Variants in LYPLAL1 observed in about 807,000 individuals in gnomAD.
LYPLAL1 encodes lysophospholipase like 1.
LYPLAL1 carries 23 observed loss-of-function variants against 19.7 expected under a neutral mutation model. The ratio of observed to expected loss-of-function variants is 1.17; its 90% CI spans 0.84 to 1.65. The LOEUF is 1.65. Among genes scored for constraint, LYPLAL1 ranks in the 40% most tolerant of loss-of-function variants. The pLI, the probability that LYPLAL1 is intolerant of heterozygous loss-of-function variation, is 0.00. For synonymous variants in LYPLAL1, 119 were observed against 96.3 expected, an observed-to-expected ratio of 1.24 and a Z score of -1.38; for missense variants, 355 against 279.4, an observed-to-expected ratio of 1.27 and a Z score of -1.93.
At chr1:219,198,594 A>G (rs889160853) in intron 3 of LYPLAL1, 1 of 152,128 alleles carries the variant, frequency 6.6e-6, no homozygotes, top group African/African-American at 2.4e-5. Flanking sequence ...GGGTTCTTCC[A>G]GAATAATTTT....
At chr1:219,352,030 TA>T in the LYPLAL1 span, among the ~76,000 whole-genome samples, 2 of 152,234 alleles carry the variant, frequency 1.3e-5, no homozygotes, top group Admixed American at 1.3e-4. Flanking sequence ...ATGTTGCTAA[TA>T]TTTTTCCATT....
chr1:219,429,070 T>C, the LYPLAL1 span, among the ~76,000 whole-genome samples: 1 of 152,324 alleles, frequency 6.6e-6, no homozygotes, highest in Non-Finnish European at 1.5e-5. Flanking sequence ...TTTCTTGTGT[T>C]GCTTAGTGGG....
intron 4 of LYPLAL1, among the ~76,000 whole-genome samples, 189 bp from the exon 5 acceptor site, chr1:219,211,282 ACAGTTACAAATTGAGTGATGC>A (rs2125119703): frequency 6.6e-6 from 1 of 152,232 alleles, no homozygotes; most frequent in East Asian, 1.9e-4. Context: ...TAAGTGACAC[ACAGTTACAAATTGAGTGATGC>A]CAGGAACCAG....
At chr1:219,353,930 T>C in the LYPLAL1 span, among the ~76,000 whole-genome samples, 18 of 151,456 alleles carry the variant, frequency 1.2e-4, no homozygotes, top group Non-Finnish European at 2.2e-4. Flanking sequence ...ATGGAAATTA[T>C]AAAAAAAAAT....
At chr1:219,367,448 A>G in the LYPLAL1 span, among the ~76,000 whole-genome samples, 3 of 152,066 alleles carry the variant, frequency 2.0e-5, no homozygotes, top group Non-Finnish European at 4.4e-5. Flanking sequence ...TTATTTTCAC[A>G]TTTAAAATAA....
At chr1:219,328,162 A>G in the LYPLAL1 span, among the ~76,000 whole-genome samples, 1 of 152,162 alleles carries the variant, frequency 6.6e-6, no homozygotes, top group Non-Finnish European at 1.5e-5. Flanking sequence ...CTGAGGAAAC[A>G]TACCTCTTGT....
At chr1:219,440,196 A>G in the LYPLAL1 span, among the ~76,000 whole-genome samples, 1 of 151,816 alleles carries the variant, frequency 6.6e-6, no homozygotes, top group Admixed American at 6.6e-5. Flanking sequence ...CTACAAAAAG[A>G]AAAAAATATG....
At chr1:219,214,607 T>C (rs1473870217), downstream of LYPLAL1, among the ~76,000 whole-genome samples, 2 of 152,032 alleles carry the variant, frequency 1.3e-5, no homozygotes, top group African/African-American at 4.8e-5. Context: ...TGTATGCTAC[T>C]TTTGTTATTT....
At chr1:219,215,379 G>A (rs1266482209), downstream of LYPLAL1, among the ~76,000 whole-genome samples, 2 of 151,918 alleles carry the variant, frequency 1.3e-5, no homozygotes, top group East Asian at 3.9e-4. Flanking sequence ...TATTCTTGCT[G>A]GTTTTAGTAG....
At chr1:219,221,019 A>G in the LYPLAL1 span, among the ~76,000 whole-genome samples, 1 of 152,188 alleles carries the variant, frequency 6.6e-6, no homozygotes, top group Non-Finnish European at 1.5e-5. Flanking sequence ...TCAATGACCC[A>G]TGCTGTGTGG....
At chr1:219,420,455 T>C in the LYPLAL1 span, among the ~76,000 whole-genome samples, 1 of 152,210 alleles carries the variant, frequency 6.6e-6, no homozygotes, top group Non-Finnish European at 1.5e-5. Context: ...TCAGTTACCA[T>C]ATGCTTGTAA....
At chr1:219,310,581 G>A in the LYPLAL1 span, among the ~76,000 whole-genome samples, 1 of 152,280 alleles carries the variant, frequency 6.6e-6, no homozygotes, top group Admixed American at 6.5e-5. Context: ...TCTAAGCTTG[G>A]ACTTCAAAGC....
the LYPLAL1 span, among the ~76,000 whole-genome samples, chr1:219,420,142 A>G: frequency 6.6e-6 from 1 of 152,264 alleles, no homozygotes; most frequent in African/African-American, 2.4e-5. Flanking sequence ...GAGGAAAGGA[A>G]TTGACTTGTG....
At chr1:219,435,901 G>A in the LYPLAL1 span, among the ~76,000 whole-genome samples, 1 of 152,138 alleles carries the variant, frequency 6.6e-6, no homozygotes, top group Non-Finnish European at 1.5e-5. Context: ...CATTTGCAAT[G>A]TCTGTTCTCA....
At chr1:219,189,344 A>G (rs982892470) in intron 2 of LYPLAL1, among the ~76,000 whole-genome samples, 13 of 151,652 alleles carry the variant, frequency 8.6e-5, no homozygotes, top group African/African-American at 3.1e-4. Context: ...TATTTTTGAT[A>G]TTTTGATTTA....
chr1:219,306,325 C>A, the LYPLAL1 span, among the ~76,000 whole-genome samples: 5 of 152,082 alleles, frequency 3.3e-5, no homozygotes, highest in Admixed American at 1.3e-4. Flanking sequence ...GTCAATATGA[C>A]TGAGCCACAG....
chr1:219,441,917 G>C, the LYPLAL1 span, among the ~76,000 whole-genome samples: 1 of 152,126 alleles, frequency 6.6e-6, no homozygotes, highest in Non-Finnish European at 1.5e-5. Flanking sequence ...AAGGTTTCCT[G>C]TCCCATCCCC....
At chr1:219,382,583 C>T in the LYPLAL1 span, among the ~76,000 whole-genome samples, 1 of 152,072 alleles carries the variant, frequency 6.6e-6, no homozygotes, top group South Asian at 2.1e-4. Flanking sequence ...AGGACGGTCT[C>T]GATCTCCTGA....
chr1:219,272,595 AC>A, the LYPLAL1 span: 2 of 152,046 alleles, frequency 1.3e-5, no homozygotes. Flanking sequence ...ATATGGTGAA[AC>A]CCCATCTTTA....
Sources: allele counts gnomAD v4.1 joint callset (sites outside exome capture counted in the v4.1 genomes callset), GRCh38; gene constraint gnomAD v4.1.1; transcripts MANE v1.5; gene names NCBI Gene and HGNC (gene_info 2026-07-23, HGNC 2026-07-21).